KLRC1: variants seen among roughly 807,000 people sequenced by gnomAD.
KLRC1 encodes the protein NKG2-A/NKG2-B type II integral membrane protein.
In KLRC1, 22 loss-of-function variants were observed where a neutral mutation model predicts 25.9. The ratio of observed to expected loss-of-function variants is 0.85; its 90% CI spans 0.61 to 1.21. The LOEUF (loss-of-function observed/expected upper bound fraction) is 1.21. Ranked by LOEUF, KLRC1 falls within the 50% of genes most tolerant of loss-of-function variation. The probability of loss-of-function intolerance (pLI) is 0.00; values close to 1 mark genes in which losing one functional copy is unlikely to be tolerated. For synonymous variants in KLRC1, 77 were observed against 93.1 expected, an observed-to-expected ratio of 0.83 and a Z score of 0.99; for missense variants, 240 against 272.2, an observed-to-expected ratio of 0.88 and a Z score of 0.83.
Position 10,446,479 on chromosome 12 carries a change from C to T in KLRC1, c.*72G>A. 1 of 1,485,182 alleles carries T rather than the reference C, an allele frequency of 6.7e-7. No homozygotes were observed. The highest frequency in any genetic ancestry group is 1.3e-5 in the South Asian group (1 of 76,088). The allele number at this position is 1,485,182 out of a possible 1,614,324, so 92.0% of individuals were successfully genotyped here. A position where few individuals can be genotyped will look rare whatever the true frequency, so the allele number is the denominator to read the frequency against. ...AACATAATTCATTTTAAGATTTATG[C>T]AATCATAATATATTTCTATTTTAAG... On this transcript the variant is annotated 3_prime_UTR_variant, in exon 7 of 7. Coordinates refer to ENST00000359151, the MANE Select transcript of KLRC1 (RefSeq NM_002259.5).
chr12:10,444,959 C>T (rs1299700169), downstream of KLRC1, among the ~76,000 whole-genome samples: 1 of 140,402 alleles, frequency 7.1e-6, no homozygotes. Flanking sequence ...CTCCCTCTGT[C>T]GCCAGGTTGG....
intron 2 of KLRC1, 33 bp from the exon 3 acceptor site, chr12:10,450,612 G>C (rs1864102755): frequency 7.6e-7 from 1 of 1,318,476 alleles, no homozygotes; most frequent in African/African-American, 1.5e-5. Context: ...AGTGCGAAAG[G>C]AGAGGTGGAT....
At chr12:10,444,630 C>T (rs549619682), downstream of KLRC1, among the ~76,000 whole-genome samples, 4 of 152,156 alleles carry the variant, frequency 2.6e-5, no homozygotes, top group South Asian at 2.1e-4. Flanking sequence ...AATAGAAATC[C>T]GAGTATATCC....
At chr12:10,443,409 A>T (rs1231354411), downstream of KLRC1, among the ~76,000 whole-genome samples, 1 of 140,454 alleles carries the variant, frequency 7.1e-6, no homozygotes, top group African/African-American at 2.7e-5. Flanking sequence ...TGCCGTCTTA[A>T]TATAAGGCAA....
In KLRC1 at chr12:10,447,590, A is replaced by G. The variant is rs1229394781; in HGVS notation, c.532T>C (p.Phe178Leu). The G allele has an allele frequency of 1.9e-6, 3 of 1,609,922 alleles. No individual in the cohort carries two copies. The highest frequency in any genetic ancestry group is 1.7e-6 in the Non-Finnish European group (2 of 1,177,774). The change falls in exon 6 of 7, where the codon TTT (phenylalanine) becomes CTT (leucine). Residue 178 changes from phenylalanine to leucine, a missense_variant. Phe to Leu is a conservative substitution (Grantham distance 22). Transcript: ENST00000359151. ...CATGGATGATGACTGCTGTTACGAA[A>G]CACACCAATCCATGAGGATGGTGAA... is the stretch of plus-strand genomic sequence containing the variant. ...IISPSSWIGV[F>L]RNSSHHPWVT... is the part of the protein sequence containing the mutation.
intron 5 of KLRC1, among the ~76,000 whole-genome samples, chr12:10,448,896 A>C (rs1034934510): frequency 6.6e-6 from 1 of 152,198 alleles, no homozygotes; most frequent in Admixed American, 6.5e-5. Flanking sequence ...GGAAACTTTT[A>C]TTTCATGATC....
At chr12:10,450,628 C>G in intron 2 of KLRC1, 49 bp from the exon 3 acceptor site, 1 of 1,179,622 alleles carries the variant, frequency 8.5e-7, no homozygotes, top group Non-Finnish European at 1.3e-6. Context: ...TGGATACAGT[C>G]GTTTAGAAGA....
At chr12:10,445,083 C>G (rs1172981171), downstream of KLRC1, among the ~76,000 whole-genome samples, 2 of 151,854 alleles carry the variant, frequency 1.3e-5, no homozygotes, top group Non-Finnish European at 2.9e-5. Flanking sequence ...CCACACCCAG[C>G]TAGTTTTTGT....
At chr12:10,454,357 G>C (rs1246841171), upstream of KLRC1, 1 of 152,320 alleles carries the variant, frequency 6.6e-6, no homozygotes, top group Non-Finnish European at 1.5e-5. Context: ...CTCCAGACCT[G>C]AAAAGGGACC....
intron 2 of KLRC1, 59 bp downstream of exon 2, chr12:10,450,911 C>T (rs1266710910): frequency 2.3e-6 from 3 of 1,287,208 alleles, no homozygotes; most frequent in South Asian, 2.9e-5. Flanking sequence ...TCCCCACATT[C>T]CTGTACCCCA....
At chr12:10,449,988 T>C in intron 3 of KLRC1, 21 bp from the exon 4 acceptor site, 1 of 1,440,100 alleles carries the variant, frequency 6.9e-7, no homozygotes, top group Non-Finnish European at 9.2e-7. Flanking sequence ...TAAAGTAATC[T>C]TTGTAAAAAA....
chr12:10,449,431 T>C, intron 4 of KLRC1, 43 bp from the exon 5 acceptor site: 1 of 1,594,892 alleles, frequency 6.3e-7, no homozygotes, highest in Non-Finnish European at 8.5e-7. Context: ...ATATGAATTT[T>C]TAAAAATGAA....
At chr12:10,450,891 C>G (rs995504882) in intron 2 of KLRC1, 79 bp downstream of exon 2, 81 of 1,035,272 alleles carry the variant, frequency 7.8e-5, no homozygotes, top group Non-Finnish European at 1.1e-4. Flanking sequence ...TATGAGCACT[C>G]CCTTCTCTTT....
rs1160429612 is a variant in KLRC1 at position 10,446,622 on chromosome 12, G to C, written c.631C>G (p.Leu211Val). 4 of 1,613,896 alleles carry C rather than the reference G, an allele frequency of 2.5e-6. No individual in the cohort carries two copies. The Admixed American group carries it at 6.7e-5, about 27-fold the overall frequency. Residue 211 changes from leucine (L) to valine (V), a missense_variant, in exon 7 of 7, where the codon CTA becomes GTA. Physicochemically the swap from Leu to Val is conservative, Grantham distance 32. Coordinates refer to ENST00000359151, the MANE Select transcript of KLRC1 (RefSeq NM_002259.5). ...GCTGATTTAAGTCGATTTACTTGTAGCACTGCACAGTTAAGTTCAGCATTA... is the reference window on the plus strand; with the variant it reads ...GCTGATTTAAGTCGATTTACTTGTACCACTGCACAGTTAAGTTCAGCATTA... ...SDNAELNCAV[L>V]QVNRLKSAQC...
chr12:10,446,480 A>G lies in KLRC1; in HGVS notation c.*71T>C. The G allele has an allele frequency of 6.7e-7, 1 of 1,495,702 alleles. No homozygotes were observed. Among genetic ancestry groups the G allele is most frequent in the Non-Finnish European group, 9.0e-7 (1 of 1,113,230 alleles). 92.7% of individuals were successfully genotyped at this position (1,495,702 alleles called of 1,614,324 possible). On this transcript the variant is annotated 3_prime_UTR_variant, in exon 7 of 7. Coordinates refer to ENST00000359151, the MANE Select transcript of KLRC1 (RefSeq NM_002259.5). ...ACATAATTCATTTTAAGATTTATGCAATCATAATATATTTCTATTTTAAGA... is the reference window on the plus strand; with the variant it reads ...ACATAATTCATTTTAAGATTTATGCGATCATAATATATTTCTATTTTAAGA...
chr12:10,446,376 T>G lies in KLRC1; in HGVS notation c.*175A>C, dbSNP rs1210745956. On this transcript the variant is annotated 3_prime_UTR_variant, in exon 7 of 7. Transcript: ENST00000359151. ...TTGAGCAAAATGAGCCCGACACAAATGCTAGGATGTCTGTACTTTAGTAAT... is the reference window on the plus strand; with the variant it reads ...TTGAGCAAAATGAGCCCGACACAAAGGCTAGGATGTCTGTACTTTAGTAAT... 2 of 1,383,244 alleles carry G rather than the reference T, an allele frequency of 1.4e-6. No homozygotes were observed. The highest frequency in any genetic ancestry group is 1.9e-6 in the Non-Finnish European group (2 of 1,064,520). 85.7% of individuals were successfully genotyped at this position (1,383,244 alleles called of 1,614,324 possible).
upstream of KLRC1, chr12:10,454,575 G>T: frequency 1.0e-6 from 1 of 983,494 alleles, no homozygotes; most frequent in Non-Finnish European, 1.2e-6. Context: ...CACCCACAGA[G>T]ACTTCCTGGG....
At chr12:10,454,100 T>C (rs989001565), upstream of KLRC1, among the ~76,000 whole-genome samples, 1 of 152,236 alleles carries the variant, frequency 6.6e-6, no homozygotes, top group African/African-American at 2.4e-5. Context: ...AAACTATGTA[T>C]GGGGAAAAAG....
Position 10,446,456 on chromosome 12 carries a change from CAT to C in KLRC1, c.*93_*94del. ...AGAATTTTCTTATTAGAGCAAATAACATAATTCATTTTAAGATTTATGCAATC... is the reference window on the plus strand; with the variant it reads ...AGAATTTTCTTATTAGAGCAAATAACAATTCATTTTAAGATTTATGCAATC... On this transcript the variant is annotated 3_prime_UTR_variant, in exon 7 of 7. Transcript: ENST00000359151. The C allele has an allele frequency of 6.9e-7, 1 of 1,451,048 alleles. No homozygotes were observed. Among genetic ancestry groups the C allele is most frequent in the Non-Finnish European group, 9.2e-7 (1 of 1,091,424 alleles). The allele number at this position is 1,451,048 out of a possible 1,614,324, so 89.9% of individuals were successfully genotyped here.
Sources: allele counts gnomAD v4.1 joint callset (sites outside exome capture counted in the v4.1 genomes callset), GRCh38; gene constraint gnomAD v4.1.1; transcripts MANE v1.5; gene names NCBI Gene and HGNC (gene_info 2026-07-23, HGNC 2026-07-21).